The following ABTB3 variants were observed in gnomAD, a reference collection of about 807,000 sequenced individuals.
ABTB3 encodes the protein ankyrin repeat- and BTB/POZ domain-containing protein 3.
At chr12:107,572,298 T>A in the ABTB3 span, among the ~76,000 whole-genome samples, 3 of 151,548 alleles carry the variant, frequency 2.0e-5, no homozygotes, top group African/African-American at 4.8e-5. Context: ...TAGATCTCCA[T>A]GAGAGAGGGG....
At chr12:107,529,611 C>G in the ABTB3 span, among the ~76,000 whole-genome samples, 1 of 152,186 alleles carries the variant, frequency 6.6e-6, no homozygotes, top group African/African-American at 2.4e-5. Flanking sequence ...GAGGTAGGTA[C>G]TATTATTGTC....
chr12:107,524,040 C>A, the ABTB3 span, among the ~76,000 whole-genome samples: 2 of 152,330 alleles, frequency 1.3e-5, no homozygotes, highest in South Asian at 2.1e-4. Flanking sequence ...ATTTGCTAAA[C>A]AAATCTGCTC....
the ABTB3 span, among the ~76,000 whole-genome samples, chr12:107,498,429 G>A: frequency 2.6e-5 from 4 of 152,188 alleles, no homozygotes; most frequent in Non-Finnish European, 5.9e-5. Flanking sequence ...TGTGGCTACT[G>A]CTAGAACTCA....
the ABTB3 span, among the ~76,000 whole-genome samples, chr12:107,331,501 C>T: frequency 3.9e-5 from 6 of 152,166 alleles, no homozygotes; most frequent in Admixed American, 3.3e-4. Flanking sequence ...GCTGCCCCTT[C>T]CTTGGGCTTC....
chr12:107,638,325 G>A, the ABTB3 span, among the ~76,000 whole-genome samples: 1 of 152,274 alleles, frequency 6.6e-6, no homozygotes, highest in South Asian at 2.1e-4. Context: ...CTGGGTCCAA[G>A]TTACAGCAGT....
the ABTB3 span, among the ~76,000 whole-genome samples, chr12:107,555,985 C>G: frequency 6.6e-6 from 1 of 152,196 alleles, no homozygotes; most frequent in South Asian, 2.1e-4. Context: ...AAGCAGCCAT[C>G]ATCATCATCA....
chr12:107,598,895 C>T, the ABTB3 span, among the ~76,000 whole-genome samples: 1 of 152,364 alleles, frequency 6.6e-6, no homozygotes, highest in African/African-American at 2.4e-5. Context: ...CCTGTCTCTG[C>T]TCCTGCATTA....
At chr12:107,391,105 C>T in the ABTB3 span, among the ~76,000 whole-genome samples, 1 of 152,312 alleles carries the variant, frequency 6.6e-6, no homozygotes, top group South Asian at 2.1e-4. Flanking sequence ...GAGCCAAGAT[C>T]ACACTGCTGC....
the ABTB3 span, among the ~76,000 whole-genome samples, chr12:107,347,869 A>T: frequency 6.4e-3 from 969 of 152,206 alleles, 12 homozygotes; most frequent in African/African-American, 0.022. Context: ...GGACATCCAG[A>T]TGTGCAGTTT....
At chr12:107,631,770 AG>A in the ABTB3 span, among the ~76,000 whole-genome samples, 1 of 152,170 alleles carries the variant, frequency 6.6e-6, no homozygotes, top group Non-Finnish European at 1.5e-5. Flanking sequence ...GATTTTTCAG[AG>A]GGAAACCCTG....
the ABTB3 span, among the ~76,000 whole-genome samples, chr12:107,466,899 G>A: frequency 6.6e-6 from 1 of 152,156 alleles, no homozygotes; most frequent in East Asian, 1.9e-4. Context: ...GCTGGACAGT[G>A]AGAGAAGTTG....
chr12:107,526,892 C>T, the ABTB3 span, among the ~76,000 whole-genome samples: 1 of 152,030 alleles, frequency 6.6e-6, no homozygotes, highest in African/African-American at 2.4e-5. Flanking sequence ...TCTGAGAGTC[C>T]CCTGCCTTCA....
the ABTB3 span, among the ~76,000 whole-genome samples, chr12:107,505,904 T>C: frequency 9.2e-5 from 14 of 152,212 alleles, no homozygotes; most frequent in Non-Finnish European, 1.8e-4. Flanking sequence ...GGTGCATATA[T>C]GTACTACATT....
At chr12:107,637,905 C>T in the ABTB3 span, among the ~76,000 whole-genome samples, 7 of 151,412 alleles carry the variant, frequency 4.6e-5, no homozygotes, top group Non-Finnish European at 1.0e-4. Flanking sequence ...AGGATATTAA[C>T]AGTCTGGGAA....
the ABTB3 span, among the ~76,000 whole-genome samples, chr12:107,576,375 G>GC: frequency 6.6e-6 from 1 of 152,156 alleles, no homozygotes; most frequent in Admixed American, 6.5e-5. Context: ...GAGGCTGGAA[G>GC]CCCCAGATCA....
chr12:107,332,335 C>T, the ABTB3 span, among the ~76,000 whole-genome samples: 2 of 152,240 alleles, frequency 1.3e-5, no homozygotes, highest in African/African-American at 4.8e-5. Flanking sequence ...CCATTTGCCA[C>T]ACTCCTGGCA....
chr12:107,538,146 C>A, the ABTB3 span, among the ~76,000 whole-genome samples: 1 of 152,140 alleles, frequency 6.6e-6, no homozygotes, highest in Non-Finnish European at 1.5e-5. Context: ...CCTAGGGATG[C>A]AGAAGCAGCT....
the ABTB3 span, among the ~76,000 whole-genome samples, chr12:107,485,177 CAG>C: frequency 8.5e-5 from 13 of 152,148 alleles, no homozygotes; most frequent in African/African-American, 2.7e-4. Flanking sequence ...TGTGGCAAAA[CAG>C]AATTCAAACC....
chr12:107,586,073 G>T, the ABTB3 span, among the ~76,000 whole-genome samples: 1 of 152,176 alleles, frequency 6.6e-6, no homozygotes, highest in Non-Finnish European at 1.5e-5. Flanking sequence ...GCAAAACAGG[G>T]TGTAGGGGTA....
Sources: allele counts gnomAD v4.1 joint callset (sites outside exome capture counted in the v4.1 genomes callset), GRCh38; gene constraint gnomAD v4.1.1; transcripts MANE v1.5; gene names NCBI Gene and HGNC (gene_info 2026-07-23, HGNC 2026-07-21).